FSTL5: variants seen among roughly 807,000 people sequenced by gnomAD.
FSTL5 encodes follistatin like 5.
A neutral mutation model predicts 89.1 loss-of-function variants in FSTL5; 62 were observed. That is an observed-to-expected ratio of 0.70 (90% CI 0.57 to 0.86). The LOEUF (loss-of-function observed/expected upper bound fraction) is 0.86, where lower values mean the gene tolerates loss of function less well. FSTL5 is among the 40% of genes least tolerant of loss of function. FSTL5 has a pLI of 0.00. For synonymous variants in FSTL5, 383 were observed against 346.2 expected (o/e 1.11, Z -1.18); for missense variants, 1,057 against 1,001.6 (o/e 1.06, Z -0.75).
At chr4:161,838,626 G>C (rs150679881) in intron 4 of FSTL5, among the ~76,000 whole-genome samples, 30 of 152,190 alleles carry the variant, frequency 2.0e-4, no homozygotes, top group African/African-American at 5.5e-4. Flanking sequence ...TATAAGAAAA[G>C]AGGATCAAAG....
At chr4:161,891,611 G>A (rs908757825) in intron 4 of FSTL5, among the ~76,000 whole-genome samples, 1 of 152,198 alleles carries the variant, frequency 6.6e-6, no homozygotes, top group East Asian at 1.9e-4. Context: ...TTAGGAATCA[G>A]TAAGTGACAA....
intron 8 of FSTL5, among the ~76,000 whole-genome samples, chr4:161,559,793 A>G (rs1244349451): frequency 2.6e-5 from 4 of 151,922 alleles, no homozygotes; most frequent in Non-Finnish European, 5.9e-5. Context: ...TTGGTAGGTG[A>G]TGTTGTCACC....
At chr4:162,047,412 C>G (rs1738224401) in intron 2 of FSTL5, 1 of 152,092 alleles carries the variant, frequency 6.6e-6, no homozygotes, top group Non-Finnish European at 1.5e-5. Flanking sequence ...TGCTTTCACC[C>G]TCACAACTGG....
intron 6 of FSTL5, among the ~76,000 whole-genome samples, chr4:161,678,966 G>C (rs1240165453): frequency 6.6e-6 from 1 of 151,564 alleles, no homozygotes; most frequent in Non-Finnish European, 1.5e-5. Context: ...AAGTATAATA[G>C]CAAAAATGTA....
rs763770404 is a variant in FSTL5 at position 162,022,094 on chromosome 4, G to GA, written c.160+11530dup. The stretch of plus-strand genomic sequence containing the variant: ...TGACAGAGCAAGACTCTGTCTCAGG[G>GA]AAAAAAAAAAAAAAAAGTTACTTAA... On this transcript the variant is annotated intron_variant, in intron 3 of 15. Transcript: ENST00000306100. 6.2e-3 allele frequency among the ~76,000 whole-genome samples: 754 copies of GA among 121,990 alleles called. 2 individuals carry two copies. Among genetic ancestry groups the GA allele is most frequent in the Middle Eastern group, 0.018 (4 of 222 alleles). The allele number at this position is 121,990 out of a possible 152,430, so 80.0% of individuals were successfully genotyped here.
chr4:161,992,758 C>T (rs1736148622), intron 3 of FSTL5, among the ~76,000 whole-genome samples: 1 of 148,214 alleles, frequency 6.7e-6, no homozygotes, highest in South Asian at 2.2e-4. Context: ...GCATGAGAAT[C>T]GCTTGAACCC....
At chr4:161,648,282 C>T (rs545767220) in intron 7 of FSTL5, among the ~76,000 whole-genome samples, 5 of 152,242 alleles carry the variant, frequency 3.3e-5, no homozygotes, top group African/African-American at 1.2e-4. Flanking sequence ...TAACACATGG[C>T]TACGGGGGAT....
intron 4 of FSTL5, among the ~76,000 whole-genome samples, chr4:161,838,376 T>C (rs1032493129): frequency 2.6e-5 from 4 of 152,202 alleles, no homozygotes; most frequent in African/African-American, 9.6e-5. Flanking sequence ...CCTCCCAGGT[T>C]CATGCCATTC....
At position 162,066,164 on chromosome 4, in the gene FSTL5, C is replaced by T. The variant is rs529770949; in HGVS notation, c.127-32506G>A. On this transcript the variant is annotated intron_variant, in intron 2 of 15. Transcript: ENST00000306100. ...TGTTTTCTGTTATTTGATTCTTTTC[C>T]ACTCTTTTTATCTCTGAATTTATTG... Among the ~76,000 whole-genome samples the T allele has an allele frequency of 5.7e-4, 86 of 151,546 alleles. 1 individual carries two copies. The highest frequency in any genetic ancestry group is 3.3e-3 in the South Asian group (16 of 4,784).
At chr4:161,762,483 T>C (rs1740842280) in intron 5 of FSTL5, among the ~76,000 whole-genome samples, 1 of 152,188 alleles carries the variant, frequency 6.6e-6, no homozygotes, top group African/African-American at 2.4e-5. Context: ...AGTTCTTAAC[T>C]AGCAATTCAT....
intron 7 of FSTL5, among the ~76,000 whole-genome samples, chr4:161,644,597 C>T (rs376712483): frequency 1.7e-4 from 26 of 151,232 alleles, no homozygotes; most frequent in African/African-American, 6.1e-4. Context: ...GGAGAACTTG[C>T]AGTAAAGTGT....
chr4:161,637,950 C>T (rs1698947709), intron 7 of FSTL5, among the ~76,000 whole-genome samples: 1 of 149,736 alleles, frequency 6.7e-6, no homozygotes, highest in East Asian at 2.0e-4. Flanking sequence ...GATGCGGGCT[C>T]TTTTTTGGTT....
chr4:161,510,029 T>A (rs1300117659), intron 11 of FSTL5, among the ~76,000 whole-genome samples: 1 of 152,188 alleles, frequency 6.6e-6, no homozygotes, highest in African/African-American at 2.4e-5. Flanking sequence ...GATTTTAATA[T>A]AATTTATTAT....
chr4:161,696,858 T>C (rs768827626), intron 6 of FSTL5, among the ~76,000 whole-genome samples: 5 of 152,312 alleles, frequency 3.3e-5, no homozygotes, highest in Non-Finnish European at 7.4e-5. Context: ...AGGAGGAGTC[T>C]TTAGGGTTTT....
chr4:161,452,395 G>C (rs1332796628), intron 15 of FSTL5, among the ~76,000 whole-genome samples: 1 of 151,978 alleles, frequency 6.6e-6, no homozygotes, highest in Non-Finnish European at 1.5e-5. Context: ...AGAATTGCTT[G>C]AATCCGGGAG....
At chr4:162,068,719 G>A (rs1299654692) in intron 2 of FSTL5, among the ~76,000 whole-genome samples, 1 of 152,046 alleles carries the variant, frequency 6.6e-6, no homozygotes, top group East Asian at 1.9e-4. Flanking sequence ...TTAAACTAAA[G>A]AGCTTATGTA....
At chr4:161,597,027 T>C (rs1277392955) in intron 7 of FSTL5, among the ~76,000 whole-genome samples, 2 of 152,132 alleles carry the variant, frequency 1.3e-5, no homozygotes, top group South Asian at 2.1e-4. Context: ...AGAAGCTCTT[T>C]AGTTTCATTA....
intron 4 of FSTL5, among the ~76,000 whole-genome samples, chr4:161,807,913 A>T (rs76426231): frequency 0.019 from 2,946 of 152,272 alleles, 39 homozygotes; most frequent in Non-Finnish European, 0.028. Flanking sequence ...CCTGGGAATG[A>T]TAGGTAGTTA....
intron 15 of FSTL5, among the ~76,000 whole-genome samples, chr4:161,451,277 A>C (rs1733154915): frequency 1.3e-5 from 2 of 152,132 alleles, no homozygotes. Flanking sequence ...AAAAATTTTT[A>C]CTAACTTCAA....
Sources: allele counts gnomAD v4.1 joint callset (sites outside exome capture counted in the v4.1 genomes callset), GRCh38; gene constraint gnomAD v4.1.1; transcripts MANE v1.5; gene names NCBI Gene and HGNC (gene_info 2026-07-23, HGNC 2026-07-21).